Variants in GCSAML observed in about 807,000 individuals in gnomAD.
The protein encoded by GCSAML is germinal center-associated signaling and motility-like protein.
In GCSAML, 9 loss-of-function variants were observed where a neutral mutation model predicts 13.0. The ratio of observed to expected loss-of-function variants is 0.69; its 90% CI spans 0.42 to 1.21. The LOEUF (loss-of-function observed/expected upper bound fraction) is 1.21, where lower values mean the gene tolerates loss of function less well. Ranked by LOEUF, GCSAML falls within the 50% of genes most tolerant of loss-of-function variation. The probability of loss-of-function intolerance (pLI) is 0.00; values close to 1 mark genes in which losing one functional copy is unlikely to be tolerated. For missense variants in GCSAML, 143 were observed against 153.4 expected, an observed-to-expected ratio of 0.93 and a Z score of 0.36; for synonymous variants, 37 against 52.9, an observed-to-expected ratio of 0.70 and a Z score of 1.31.
intron 2 of GCSAML, chr1:247,530,576 T>G (rs1666890919): frequency 6.7e-6 from 1 of 148,386 alleles, no homozygotes; most frequent in Non-Finnish European, 1.5e-5. Context: ...TTACAAAATG[T>G]GTCATTTTAC....
At position 247,574,439 on chromosome 1, in the gene GCSAML, T is replaced by A. The variant is rs1163527731; in HGVS notation, c.*57T>A. On this transcript the variant is annotated 3_prime_UTR_variant, in exon 5 of 5. Coordinates refer to ENST00000366488, the MANE Select transcript of GCSAML (RefSeq NM_145278.5). ...ATGAAGACAATGCAGAATAGCAGACTCTGGCGAAGTTGTTCACCCTGAGCA... is the reference window on the plus strand; with the variant it reads ...ATGAAGACAATGCAGAATAGCAGACACTGGCGAAGTTGTTCACCCTGAGCA... 3 of 1,588,070 alleles carry A rather than the reference T, an allele frequency of 1.9e-6. No individual in the cohort carries two copies. The East Asian group carries it at 6.7e-5, about 36-fold the overall frequency.
In GCSAML at chr1:247,531,967, A is replaced by T; in HGVS notation, c.-148+4913A>T. 6.2e-7 allele frequency: 1 copy of T among 1,614,146 alleles called. No individual in the cohort carries two copies. The highest frequency in any genetic ancestry group is 8.5e-7 in the Non-Finnish European group (1 of 1,180,012). On this transcript the variant is annotated intron_variant, in intron 2 of 5. Transcript: ENST00000366489. ...ACAAGCCAGTTGCATAATGAGGGGC[A>T]TCTCGCAAAAGAAGTGGTCGATGCA...
chr1:247,534,772 AAATAGACATG>A (rs770357531), intron 2 of GCSAML, among the ~76,000 whole-genome samples: 320 of 152,330 alleles, frequency 2.1e-3, no homozygotes, highest in Non-Finnish European at 3.4e-3. Context: ...CAATTAAACA[AAATAGACATG>A]AACAGACATG....
chr1:247,512,866 C>T, intron 1 of GCSAML, among the ~76,000 whole-genome samples: 1 of 152,162 alleles, frequency 6.6e-6, no homozygotes, highest in East Asian at 1.9e-4. Flanking sequence ...AGATTGCTGC[C>T]TGTTCGTTCC....
chr1:247,563,672 A>G, intron 3 of GCSAML, 33 bp downstream of exon 3: 2 of 1,279,800 alleles, frequency 1.6e-6, no homozygotes, highest in Middle Eastern at 1.9e-4. Context: ...TTTTCATAGT[A>G]GGGAAGTGCA....
At chr1:247,529,872 A>C (rs1249596206) in intron 2 of GCSAML, 2 of 152,080 alleles carry the variant, frequency 1.3e-5, no homozygotes, top group Non-Finnish European at 2.9e-5. Context: ...AAAAGAGGGA[A>C]TTTTGCCTCC....
chr1:247,514,065 C>T (rs1245515389), intron 1 of GCSAML, among the ~76,000 whole-genome samples: 8 of 152,032 alleles, frequency 5.3e-5, no homozygotes. Flanking sequence ...ACTGCAACTT[C>T]CACCTCCCAG....
chr1:247,521,312 C>G (rs1666409777), intron 1 of GCSAML, among the ~76,000 whole-genome samples: 2 of 150,926 alleles, frequency 1.3e-5, no homozygotes, highest in African/African-American at 2.4e-5. Context: ...TAATGTCTCC[C>G]TCTCCCTCTC....
chr1:247,573,179 C>G (rs927888097), intron 4 of GCSAML, among the ~76,000 whole-genome samples: 1 of 152,162 alleles, frequency 6.6e-6, no homozygotes, highest in African/African-American at 2.4e-5. Flanking sequence ...GGGGAGTAAA[C>G]AGTTCTTTCT....
At chr1:247,520,877 G>A (rs933522580) in intron 1 of GCSAML, among the ~76,000 whole-genome samples, 4 of 152,170 alleles carry the variant, frequency 2.6e-5, no homozygotes, top group Admixed American at 6.5e-5. Flanking sequence ...TCTGATTTCC[G>A]AAAGGGAAAA....
At chr1:247,532,478 C>T (rs1411594839) in intron 2 of GCSAML, 1 of 1,614,048 alleles carries the variant, frequency 6.2e-7, no homozygotes, top group Non-Finnish European at 8.5e-7. Flanking sequence ...AGGACAAAGA[C>T]TTCTGGAGAA....
In GCSAML at chr1:247,565,811, C is replaced by T. The variant is rs1572370145; in HGVS notation, c.140-120C>T. The stretch of plus-strand genomic sequence containing the variant: ...TCATGTCAGATGTTTAGATAATAGG[C>T]CTCTGCAGTTTTATGACTTCTACAT... On this transcript the variant is annotated intron_variant, in intron 3 of 4. Coordinates refer to ENST00000366488, the MANE Select transcript of GCSAML (RefSeq NM_145278.5). The T allele has an allele frequency of 4.3e-6, 3 of 699,946 alleles. No homozygotes were observed. In the South Asian group the frequency reaches 5.8e-5, roughly 14 times the overall value. 43.4% of individuals were successfully genotyped at this position (699,946 alleles called of 1,614,324 possible).
intron 4 of GCSAML, among the ~76,000 whole-genome samples, chr1:247,570,656 ATTTCGTGCT>A (rs1485410676): frequency 1.3e-5 from 2 of 152,088 alleles, no homozygotes; most frequent in Non-Finnish European, 2.9e-5. Flanking sequence ...GATAAGTGCT[ATTTCGTGCT>A]GAGAAGAATA....
chr1:247,509,435 A>G (rs1195806555), intron 1 of GCSAML, among the ~76,000 whole-genome samples: 2 of 152,230 alleles, frequency 1.3e-5, no homozygotes, highest in African/African-American at 2.4e-5. Context: ...TAAATATACA[A>G]TCATGTCATC....
intron 2 of GCSAML, chr1:247,533,852 G>A (rs931267353): frequency 5.9e-5 from 9 of 152,150 alleles, no homozygotes; most frequent in African/African-American, 2.2e-4. Flanking sequence ...AAATTTCAGA[G>A]GACAAAGGTG....
upstream of GCSAML, among the ~76,000 whole-genome samples, chr1:247,544,674 C>G (rs757757567): frequency 6.6e-6 from 1 of 151,942 alleles, no homozygotes; most frequent in Non-Finnish European, 1.5e-5. Flanking sequence ...CAGGGCAAAA[C>G]GCTGTCTCTA....
chr1:247,569,719 A>G (rs568154328), intron 4 of GCSAML, among the ~76,000 whole-genome samples: 1 of 152,210 alleles, frequency 6.6e-6, no homozygotes, highest in Non-Finnish European at 1.5e-5. Flanking sequence ...TGCTGGCCTC[A>G]TAAAATGAGT....
intron 3 of GCSAML, 79 bp from the exon 4 acceptor site, chr1:247,565,851 CT>C: frequency 5.2e-6 from 6 of 1,160,152 alleles, no homozygotes; most frequent in East Asian, 2.6e-5. Flanking sequence ...TTTTTTTCAC[CT>C]TTTCCTTCAA....
At chr1:247,543,306 C>T (rs900084989) in intron 2 of GCSAML, among the ~76,000 whole-genome samples, 1 of 152,156 alleles carries the variant, frequency 6.6e-6, no homozygotes, top group Non-Finnish European at 1.5e-5. Context: ...CCACAGTGTA[C>T]TACAATAAGG....
Sources: allele counts gnomAD v4.1 joint callset (sites outside exome capture counted in the v4.1 genomes callset), GRCh38; gene constraint gnomAD v4.1.1; transcripts MANE v1.5; gene names NCBI Gene and HGNC (gene_info 2026-07-23, HGNC 2026-07-21).